Variants in CA10 observed in about 807,000 individuals in gnomAD.
CA10 encodes the protein carbonic anhydrase 10 (inactive).
Under a neutral mutation model 44.2 loss-of-function variants are expected in CA10, and 14 were observed. The ratio of observed to expected loss-of-function variants is 0.32; its 90% CI spans 0.21 to 0.50. The LOEUF (loss-of-function observed/expected upper bound fraction) is 0.50. Ranked by LOEUF, CA10 falls within the 20% of genes least tolerant of loss-of-function variation. CA10 has a pLI of 0.99. For missense variants in CA10, 350 were observed against 409.7 expected, an observed-to-expected ratio of 0.85 and a Z score of 1.26; for synonymous variants, 159 against 141.6, an observed-to-expected ratio of 1.12 and a Z score of -0.87.
At chr17:51,755,003 A>T (rs1046861861) in intron 3 of CA10, among the ~76,000 whole-genome samples, 1 of 152,050 alleles carries the variant, frequency 6.6e-6, no homozygotes, top group African/African-American at 2.4e-5. Flanking sequence ...TGATACAAAC[A>T]CATATGCATT....
chr17:51,757,076 T>C (rs944747759), intron 3 of CA10, among the ~76,000 whole-genome samples: 1 of 152,208 alleles, frequency 6.6e-6, no homozygotes, highest in African/African-American at 2.4e-5. Context: ...CGAAGTTTCC[T>C]GTTATATGTC....
chr17:51,960,011 T>TGAAA (rs1567900613), intron 2 of CA10, among the ~76,000 whole-genome samples: 1 of 151,882 alleles, frequency 6.6e-6, no homozygotes, highest in Non-Finnish European at 1.5e-5. Context: ...AAAGGAGTTA[T>TGAAA]TGTAACTATC....
chr17:51,831,316 T>C (rs1416448537), intron 3 of CA10, among the ~76,000 whole-genome samples: 1 of 152,240 alleles, frequency 6.6e-6, no homozygotes, highest in Admixed American at 6.5e-5. Context: ...TTTTAAAATT[T>C]GAACTAGCCA....
At chr17:51,896,924 A>T (rs1182419970) in intron 3 of CA10, among the ~76,000 whole-genome samples, 3 of 149,722 alleles carry the variant, frequency 2.0e-5, no homozygotes, top group African/African-American at 4.9e-5. Flanking sequence ...CCACTTTTAA[A>T]TTTTTTTTTT....
chr17:51,631,618 GAGAA>G lies in CA10; in HGVS notation c.965-16_965-13del. Reference sequence around the variant, plus strand: ...GAGCCATTCATTTACTGCAAAGAGAGAGAAAGAAAAAAAAAATCACACATACAAC... The same window carrying G: ...GAGCCATTCATTTACTGCAAAGAGAGAGAAAAAAAAAATCACACATACAAC... On this transcript the variant is annotated splice_polypyrimidine_tract_variant and intron_variant, in intron 8 of 8. Coordinates refer to ENST00000451037, the MANE Select transcript of CA10 (RefSeq NM_020178.5). The G allele has an allele frequency of 1.2e-6, 2 of 1,606,650 alleles. No homozygotes were observed. Among genetic ancestry groups the G allele is most frequent in the Non-Finnish European group, 1.7e-6 (2 of 1,175,714 alleles).
At chr17:51,989,002 G>A (rs1312776706) in intron 2 of CA10, among the ~76,000 whole-genome samples, 1 of 151,836 alleles carries the variant, frequency 6.6e-6, no homozygotes, top group Non-Finnish European at 1.5e-5. Context: ...ACAGTTACAT[G>A]TGGCTAGTAT....
In CA10 at chr17:51,878,891, T is replaced by TGG. The variant is rs199854509; in HGVS notation, c.279+52097_279+52098dup. Among the ~76,000 whole-genome samples the TGG allele has an allele frequency of 1.0e-3, 39 of 37,560 alleles. 4 individuals carry two copies. Among genetic ancestry groups the TGG allele is most frequent in the South Asian group, 8.3e-3 (4 of 480 alleles). The allele number at this position is 37,560 out of a possible 152,430, so 24.6% of individuals were successfully genotyped here. On this transcript the variant is annotated intron_variant, in intron 3 of 8. Coordinates refer to ENST00000451037, the MANE Select transcript of CA10 (RefSeq NM_020178.5). ...ATATATATATATATATATATATATA[T>TGG]GGGTGTGTGTGTGTGTGTGTGTATG...
chr17:51,772,424 A>G (rs1363127184), intron 3 of CA10, among the ~76,000 whole-genome samples: 1 of 152,232 alleles, frequency 6.6e-6, no homozygotes, highest in Non-Finnish European at 1.5e-5. Context: ...AAGTGATATA[A>G]AATAAGATTT....
At chr17:51,640,219 A>G (rs962002719) in intron 6 of CA10, among the ~76,000 whole-genome samples, 1 of 152,156 alleles carries the variant, frequency 6.6e-6, no homozygotes, top group Non-Finnish European at 1.5e-5. Context: ...CGAATGAACA[A>G]ATGAAATGGT....
chr17:51,900,525 T>C (rs1465953554), intron 3 of CA10, among the ~76,000 whole-genome samples: 1 of 152,140 alleles, frequency 6.6e-6, no homozygotes, highest in Non-Finnish European at 1.5e-5. Flanking sequence ...TCATCTTGTA[T>C]AGTATCTCAC....
intron 3 of CA10, among the ~76,000 whole-genome samples, chr17:51,784,901 C>A (rs904789178): frequency 6.6e-6 from 1 of 152,186 alleles, no homozygotes; most frequent in South Asian, 2.1e-4. Context: ...ATCCCTTAAC[C>A]ATCTGGACCA....
At chr17:51,702,755 T>C (rs1331530637) in intron 4 of CA10, among the ~76,000 whole-genome samples, 1 of 151,358 alleles carries the variant, frequency 6.6e-6, no homozygotes, top group East Asian at 2.0e-4. Context: ...TCTGTGAAAT[T>C]GTCTCAGGCT....
chr17:52,096,894 T>C (rs1054577865), intron 1 of CA10, among the ~76,000 whole-genome samples: 1 of 152,224 alleles, frequency 6.6e-6, no homozygotes, highest in Non-Finnish European at 1.5e-5. Context: ...ACTTGCTTTT[T>C]TCATTTATCA....
At chr17:51,769,405 G>A (rs1278599396) in intron 3 of CA10, among the ~76,000 whole-genome samples, 2 of 152,148 alleles carry the variant, frequency 1.3e-5, no homozygotes, top group African/African-American at 2.4e-5. Context: ...GTACAAAATG[G>A]TAAGTGCTAA....
rs1192651960 is a variant in CA10, at chr17:51,931,072, T to C, written c.197A>G (p.Gln66Arg). The change falls in exon 3 of 9, where the codon CAG becomes CGG. Residue 66 changes from glutamine (Q) to arginine (R), a missense_variant. By Grantham distance (43) the Gln-to-Arg change is conservative. Coordinates refer to ENST00000451037, the MANE Select transcript of CA10 (RefSeq NM_020178.5). ...ACTGGTCTCTATGTTGACTGGCGAC[T>C]GCCGTTTCCCCACAGAGCAAAGATT... ...AWNLCSVGKR[Q>R]SPVNIETSHM... 6.2e-7 allele frequency: 1 copy of C among 1,613,570 alleles called. No individual in the cohort carries two copies. Among genetic ancestry groups the C allele is most frequent in the Non-Finnish European group, 8.5e-7 (1 of 1,179,716 alleles).
chr17:51,684,493 T>C (rs913189843), intron 4 of CA10, among the ~76,000 whole-genome samples: 7 of 152,150 alleles, frequency 4.6e-5, no homozygotes, highest in Admixed American at 1.3e-4. Flanking sequence ...TAGCATCTGA[T>C]TAAGTACTAA....
intron 1 of CA10, among the ~76,000 whole-genome samples, chr17:52,152,116 G>A (rs954392911): frequency 2.0e-5 from 3 of 151,548 alleles, no homozygotes; most frequent in African/African-American, 7.3e-5. Flanking sequence ...CACCCCCTAC[G>A]AAAAAATTCC....
At chr17:51,742,162 G>C (rs962323119) in intron 4 of CA10, among the ~76,000 whole-genome samples, 2 of 152,158 alleles carry the variant, frequency 1.3e-5, no homozygotes, top group African/African-American at 4.8e-5. Flanking sequence ...AAGCTATGAT[G>C]GGGAACTGTG....
intron 2 of CA10, among the ~76,000 whole-genome samples, chr17:51,975,480 A>G (rs1984429874): frequency 1.3e-5 from 2 of 152,128 alleles, no homozygotes; most frequent in South Asian, 2.1e-4. Context: ...GGAGTTCAAG[A>G]CCAGCCTGGC....
Sources: gnomAD v4.1 joint callset for allele counts (sites outside exome capture counted in the v4.1 genomes callset) on GRCh38, gnomAD v4.1.1 for gene constraint, MANE v1.5 for transcripts, NCBI Gene and HGNC (gene_info 2026-07-23, HGNC 2026-07-21) for gene names.